The following TMEM167A variants were observed in gnomAD, a reference collection of about 807,000 sequenced individuals.
TMEM167A encodes the protein transmembrane protein 167A, also known as protein kish-A.
A neutral mutation model predicts 11.6 loss-of-function variants in TMEM167A; 8 were observed. The observed-to-expected ratio is 0.69, with a 90% CI of 0.40 to 1.24. The LOEUF is 1.24. Ranked by LOEUF, TMEM167A falls within the 50% of genes most tolerant of loss-of-function variation. The pLI is 0.01. For missense variants in TMEM167A, 62 were observed against 87.0 expected, an observed-to-expected ratio of 0.71 and a Z score of 1.14; for synonymous variants, 22 against 28.0, an observed-to-expected ratio of 0.79 and a Z score of 0.67.
chr5:83,071,472 A>T (rs1440973598), intron 1 of TMEM167A: 1 of 152,196 alleles, frequency 6.6e-6, no homozygotes, highest in Non-Finnish European at 1.5e-5. Context: ...AAAGTGGGTC[A>T]GCATTTATCA....
intron 2 of TMEM167A, among the ~76,000 whole-genome samples, chr5:83,064,499 G>C (rs576943004): frequency 2.0e-5 from 3 of 152,106 alleles, no homozygotes; most frequent in Non-Finnish European, 4.4e-5. Flanking sequence ...GTGTTTACTA[G>C]AGTCTACCAT....
At chr5:83,061,952 C>T in intron 2 of TMEM167A, 41 bp from the exon 3 acceptor site, 1 of 1,514,040 alleles carries the variant, frequency 6.6e-7, no homozygotes, top group East Asian at 2.3e-5. Flanking sequence ...CTATTGATTA[C>T]TCGGAAAGGT....
intron 2 of TMEM167A, 31 bp downstream of exon 2, chr5:83,064,977 T>C (rs764256733): frequency 8.0e-7 from 1 of 1,256,820 alleles, no homozygotes; most frequent in Non-Finnish European, 1.2e-6. Flanking sequence ...TAAGAACTAA[T>C]TTGGGTGATT....
At chr5:83,071,823 A>C (rs1744565651) in intron 1 of TMEM167A, among the ~76,000 whole-genome samples, 1 of 152,174 alleles carries the variant, frequency 6.6e-6, no homozygotes, top group Non-Finnish European at 1.5e-5. Context: ...ATCTCTTCTC[A>C]GCAACAGTGG....
Position 83,056,121 on chromosome 5 carries a change from T to C in TMEM167A, c.*963A>G, listed in dbSNP as rs1392522184. 2 of 152,028 alleles carry C rather than the reference T, an allele frequency of 1.3e-5. No individual in the cohort carries two copies. Among genetic ancestry groups the C allele is most frequent in the East Asian group, 3.8e-4 (2 of 5,198 alleles). The allele number at this position is 152,028 out of a possible 1,614,324, so 9.4% of individuals were successfully genotyped here. ...TGCCACAGTATACAAATCAGCAGAT[T>C]TGAAAACTATTTATCACCTCCAAAG... On this transcript the variant is annotated 3_prime_UTR_variant, in exon 4 of 4. Transcript: ENST00000502346.
chr5:83,065,777 G>C (rs1744472943), intron 1 of TMEM167A, among the ~76,000 whole-genome samples: 1 of 152,146 alleles, frequency 6.6e-6, no homozygotes, highest in Non-Finnish European at 1.5e-5. Context: ...TTAATAGTTT[G>C]AGTCTTATTC....
At chr5:83,072,170 T>G (rs1388499060) in intron 1 of TMEM167A, among the ~76,000 whole-genome samples, 1 of 152,216 alleles carries the variant, frequency 6.6e-6, no homozygotes, top group Non-Finnish European at 1.5e-5. Context: ...TGTGCTGCTT[T>G]GTTTTGGAGC....
intron 1 of TMEM167A, among the ~76,000 whole-genome samples, chr5:83,075,337 A>G (rs1027685641): frequency 6.6e-6 from 1 of 152,216 alleles, no homozygotes; most frequent in Non-Finnish European, 1.5e-5. Flanking sequence ...GTTGGGGGGA[A>G]CAAGGCATTC....
At chr5:83,072,529 C>T (rs1400510307) in intron 1 of TMEM167A, among the ~76,000 whole-genome samples, 2 of 151,424 alleles carry the variant, frequency 1.3e-5, no homozygotes, top group Non-Finnish European at 2.9e-5. Flanking sequence ...TCTTAAAATT[C>T]CCTGAAAGCT....
At chr5:83,077,148 C>A (rs1744692261) in intron 1 of TMEM167A, among the ~76,000 whole-genome samples, 173 bp downstream of exon 1, 1 of 152,234 alleles carries the variant, frequency 6.6e-6, no homozygotes, top group Non-Finnish European at 1.5e-5. Flanking sequence ...CAGCAGTCTT[C>A]CTCGGACAGT....
chr5:83,058,718 T>G (rs1744367033), intron 3 of TMEM167A, among the ~76,000 whole-genome samples: 1 of 152,122 alleles, frequency 6.6e-6, no homozygotes, highest in Admixed American at 6.6e-5. Flanking sequence ...GAAGTTCCCC[T>G]TTTCCTCATC....
chr5:83,060,656 C>T (rs757825460), intron 3 of TMEM167A, among the ~76,000 whole-genome samples: 2 of 151,978 alleles, frequency 1.3e-5, no homozygotes, highest in Admixed American at 1.3e-4. Context: ...ATAGTGAAAC[C>T]CTGTCTCTAC....
chr5:83,058,061 T>C (rs895614440), intron 3 of TMEM167A, among the ~76,000 whole-genome samples: 5 of 152,130 alleles, frequency 3.3e-5, no homozygotes, highest in Non-Finnish European at 4.4e-5. Context: ...CATCCTCTAG[T>C]AGAGATGGTT....
chr5:83,076,823 C>T (rs1744677906), intron 1 of TMEM167A, among the ~76,000 whole-genome samples: 1 of 152,184 alleles, frequency 6.6e-6, no homozygotes, highest in Non-Finnish European at 1.5e-5. Flanking sequence ...GCTTGTAAAG[C>T]AGCATTTTCA....
rs570194727 is a variant in TMEM167A, at chr5:83,067,247, A to C, written c.4-2130T>G. Among the ~76,000 whole-genome samples the C allele has an allele frequency of 4.6e-5, 6 of 131,324 alleles. No individual in the cohort carries two copies. In the East Asian group the frequency reaches 1.2e-3, roughly 26 times the overall value. 86.2% of individuals were successfully genotyped at this position (131,324 alleles called of 152,430 possible). A position where few individuals can be genotyped will look rare whatever the true frequency, so the allele number is the denominator to read the frequency against. On this transcript the variant is annotated intron_variant, in intron 1 of 3. Transcript: ENST00000502346. ...CAAGAATAGCCAGGAGAATCTTAAAAACAAAAAAATGGACACTAGAAACTG... is the reference window on the plus strand; with the variant it reads ...CAAGAATAGCCAGGAGAATCTTAAACACAAAAAAATGGACACTAGAAACTG...
At chr5:83,063,872 T>C (rs1448083039) in intron 2 of TMEM167A, among the ~76,000 whole-genome samples, 2 of 151,444 alleles carry the variant, frequency 1.3e-5, no homozygotes, top group Non-Finnish European at 3.0e-5. Flanking sequence ...TAGTTCTATA[T>C]TATTTGAAGT....
Position 83,053,867 on chromosome 5 carries a change from T to C in TMEM167A, c.*3217A>G, listed in dbSNP as rs114416809. Reference sequence around the variant, plus strand: ...TATCTGAATAATAAATGCCATCACATTGTACTTTTAATACATACTTCATCT... The same window carrying C: ...TATCTGAATAATAAATGCCATCACACTGTACTTTTAATACATACTTCATCT... On this transcript the variant is annotated 3_prime_UTR_variant, in exon 4 of 4. Coordinates refer to ENST00000502346, the MANE Select transcript of TMEM167A (RefSeq NM_174909.5). 6.4e-4 allele frequency: 98 copies of C among 152,168 alleles called. No individual in the cohort carries two copies. The highest frequency in any genetic ancestry group is 2.2e-3 in the African/African-American group (91 of 41,548). The allele number at this position is 152,168 out of a possible 1,614,324, so 9.4% of individuals were successfully genotyped here.
rs1329152543 is a variant in TMEM167A at position 83,053,781 on chromosome 5, TG to T, written c.*3302del. On this transcript the variant is annotated 3_prime_UTR_variant, in exon 4 of 4. Transcript: ENST00000502346. The stretch of plus-strand genomic sequence containing the variant: ...AAGTTCAGCTTAAGCAGTGCTCCTC[TG>T]GAAGTTCACACCCTAACTGAACTGT... The T allele has an allele frequency of 6.6e-6, 1 of 152,100 alleles. No individual in the cohort carries two copies. The allele number at this position is 152,100 out of a possible 1,614,324, so 9.4% of individuals were successfully genotyped here. A position where few individuals can be genotyped will look rare whatever the true frequency, so the allele number is the denominator to read the frequency against.
chr5:83,064,457 TA>T (rs1016442843), intron 2 of TMEM167A: 9 of 421,164 alleles, frequency 2.1e-5, no homozygotes, highest in African/African-American at 1.9e-4. Context: ...TGCATTATAT[TA>T]GAATTCCAAT....
Sources: allele counts gnomAD v4.1 joint callset (sites outside exome capture counted in the v4.1 genomes callset), GRCh38; gene constraint gnomAD v4.1.1; transcripts MANE v1.5; gene names NCBI Gene and HGNC (gene_info 2026-07-23, HGNC 2026-07-21).